IMPG2: variants seen among roughly 807,000 people sequenced by gnomAD.
IMPG2 encodes the protein IPM 200.
In IMPG2, 91 loss-of-function variants were observed where a neutral mutation model predicts 129.2. The observed-to-expected ratio is 0.70, with a 90% CI of 0.59 to 0.84. IMPG2 has a LOEUF of 0.84. IMPG2 is among the 40% of genes least tolerant of loss of function. The pLI is 0.00. For synonymous variants in IMPG2, 510 were observed against 517.7 expected, an observed-to-expected ratio of 0.99 and a Z score of 0.20; for missense variants, 1,430 against 1,461.7, an observed-to-expected ratio of 0.98 and a Z score of 0.35.
intron 14 of IMPG2, among the ~76,000 whole-genome samples, chr3:101,240,975 T>C (rs114550602): frequency 0.019 from 2,828 of 152,332 alleles, 83 homozygotes; most frequent in African/African-American, 0.065. Context: ...AAATTTTACA[T>C]TTCAACAGTG....
At chr3:101,255,597 A>T (rs1706589587) in intron 10 of IMPG2, among the ~76,000 whole-genome samples, 1 of 152,158 alleles carries the variant, frequency 6.6e-6, no homozygotes, top group African/African-American at 2.4e-5. Flanking sequence ...TTAGGTCATG[A>T]TCTCCTAACT....
chr3:101,286,559 T>C (rs1706947661), intron 4 of IMPG2, among the ~76,000 whole-genome samples: 1 of 152,212 alleles, frequency 6.6e-6, no homozygotes, highest in Non-Finnish European at 1.5e-5. Context: ...AACATTCAAG[T>C]GCATATCAGT....
chr3:101,312,751 T>C (rs1281913704), intron 2 of IMPG2, among the ~76,000 whole-genome samples: 1 of 152,002 alleles, frequency 6.6e-6, no homozygotes, highest in Non-Finnish European at 1.5e-5. Flanking sequence ...TATTGGACCA[T>C]AAAAAGGAAT....
At chr3:101,258,935 G>C (rs1706641508) in intron 9 of IMPG2, among the ~76,000 whole-genome samples, 1 of 152,084 alleles carries the variant, frequency 6.6e-6, no homozygotes, top group South Asian at 2.1e-4. Context: ...ATAATAACCT[G>C]ATGAAAGATA....
At chr3:101,227,876 G>C (rs910055585) in intron 18 of IMPG2, 16 of 456,056 alleles carry the variant, frequency 3.5e-5, no homozygotes, top group Non-Finnish European at 4.0e-5. Flanking sequence ...CAGAGAAAAA[G>C]AATTTTGAGT....
At chr3:101,277,618 T>A (rs1576760865) in intron 4 of IMPG2, among the ~76,000 whole-genome samples, 1 of 152,332 alleles carries the variant, frequency 6.6e-6, no homozygotes, top group East Asian at 1.9e-4. Flanking sequence ...AGAGAAATTA[T>A]TTGCTGTAGG....
chr3:101,234,414 AT>A (rs1274381448), intron 14 of IMPG2, among the ~76,000 whole-genome samples: 2 of 152,060 alleles, frequency 1.3e-5, no homozygotes, highest in Non-Finnish European at 2.9e-5. Context: ...CAACATTTTG[AT>A]TTTGGACTTC....
intron 2 of IMPG2, among the ~76,000 whole-genome samples, chr3:101,312,574 T>A (rs1707279359): frequency 6.6e-6 from 1 of 152,100 alleles, no homozygotes; most frequent in South Asian, 2.1e-4. Context: ...GCTGGTGGGA[T>A]ATAACACAGT....
intron 10 of IMPG2, among the ~76,000 whole-genome samples, chr3:101,255,749 C>T (rs993736821): frequency 5.3e-5 from 8 of 152,096 alleles, no homozygotes; most frequent in African/African-American, 1.7e-4. Flanking sequence ...AGCTTCTTAT[C>T]TGTTCACTAT....
chr3:101,285,356 C>T (rs916724481), intron 4 of IMPG2, among the ~76,000 whole-genome samples: 2 of 152,202 alleles, frequency 1.3e-5, no homozygotes, highest in Non-Finnish European at 2.9e-5. Context: ...CCCCTACTCT[C>T]ACTGAATGTG....
chr3:101,231,606 A>T (rs2107206492), intron 15 of IMPG2, among the ~76,000 whole-genome samples: 1 of 152,340 alleles, frequency 6.6e-6, no homozygotes, highest in East Asian at 1.9e-4. Flanking sequence ...TCTAGGTAAT[A>T]TTAATTTCTC....
At chr3:101,258,408 T>C (rs112261196) in intron 9 of IMPG2, among the ~76,000 whole-genome samples, 32 of 152,224 alleles carry the variant, frequency 2.1e-4, no homozygotes, top group African/African-American at 7.2e-4. Context: ...AAAAAAACTA[T>C]TATGAAGTAA....
chr3:101,275,542 T>C (rs914561295), intron 6 of IMPG2, 121 bp downstream of exon 6: 1 of 754,546 alleles, frequency 1.3e-6, no homozygotes, highest in Admixed American at 2.0e-5. Flanking sequence ...TTAGGATCCA[T>C]GTCATTTTTC....
Position 101,285,964 on chromosome 3 carries a change from C to A in IMPG2, c.533+5515G>T, listed in dbSNP as rs191261372. ...ACACATATATGTACAACAAAGAAAACTGATTTTTTAATCTCTGAATGATGT... is the reference window on the plus strand; with the variant it reads ...ACACATATATGTACAACAAAGAAAAATGATTTTTTAATCTCTGAATGATGT... On this transcript the variant is annotated intron_variant, in intron 4 of 18. Coordinates refer to ENST00000193391, the MANE Select transcript of IMPG2 (RefSeq NM_016247.4). 7.3e-3 allele frequency among the ~76,000 whole-genome samples: 1,104 copies of A among 152,142 alleles called. 11 individuals are homozygous for A. Among genetic ancestry groups the A allele is most frequent in the African/African-American group, 0.024 (1,010 of 41,528 alleles).
At chr3:101,241,480 G>A (rs1706406674) in intron 14 of IMPG2, among the ~76,000 whole-genome samples, 1 of 152,168 alleles carries the variant, frequency 6.6e-6, no homozygotes, top group Non-Finnish European at 1.5e-5. Flanking sequence ...AGAAGATGGG[G>A]ACCAGGCCTT....
intron 11 of IMPG2, among the ~76,000 whole-genome samples, chr3:101,249,228 T>A (rs746824898): frequency 6.6e-6 from 1 of 152,178 alleles, no homozygotes; most frequent in Non-Finnish European, 1.5e-5. Flanking sequence ...CACATCTCCA[T>A]TGGTAGATTC....
At chr3:101,274,498 A>C (rs2107251827) in intron 6 of IMPG2, among the ~76,000 whole-genome samples, 1 of 152,318 alleles carries the variant, frequency 6.6e-6, no homozygotes, top group South Asian at 2.1e-4. Flanking sequence ...AATTTCTAGA[A>C]GAGTAGATGG....
rs1263677093 is a variant in IMPG2 at position 101,232,818 on chromosome 3, T to G, written c.3196A>C (p.Lys1066Gln). The G allele has an allele frequency of 6.2e-7, 1 of 1,613,294 alleles. No individual in the cohort carries two copies. The highest frequency in any genetic ancestry group is 1.7e-5 in the Admixed American group (1 of 59,884). ...CCGTGCCCAGGCATAATGTCACACT[T>G]TCCATCATTCAAGCAGAAGTCAGGC... ...LQPDFCLNDG[K>Q]CDIMPGHGAI... Residue 1066 changes from lysine to glutamine, a missense_variant, in exon 15 of 19, where the codon AAG becomes CAG. Coordinates refer to ENST00000193391, the MANE Select transcript of IMPG2 (RefSeq NM_016247.4).
rs1238783324 is a variant in IMPG2 at position 101,225,892 on chromosome 3, A to G, written c.*1077T>C. 1 of 152,676 alleles carries G rather than the reference A, an allele frequency of 6.5e-6. No individual in the cohort carries two copies. The highest frequency in any genetic ancestry group is 2.4e-5 in the African/African-American group (1 of 41,454). 9.5% of individuals were successfully genotyped at this position (152,676 alleles called of 1,614,324 possible). ...GACTTCCTATCTGTTCAGTTTTTAA[A>G]ATATTTTAATTGTAATAAAAGCTTT... On this transcript the variant is annotated 3_prime_UTR_variant, in exon 19 of 19. Transcript: ENST00000193391.
Sources: allele counts gnomAD v4.1 joint callset (sites outside exome capture counted in the v4.1 genomes callset), GRCh38; gene constraint gnomAD v4.1.1; transcripts MANE v1.5; gene names NCBI Gene and HGNC (gene_info 2026-07-23, HGNC 2026-07-21).